The following AKR1C8 variants were observed in gnomAD, a reference collection of about 807,000 sequenced individuals.
AKR1C8 encodes aldo-keto reductase family 1 member C8, also known as aldo-keto reductase family 1 member C-like protein 1.
the AKR1C8 span, among the ~76,000 whole-genome samples, chr10:5,151,092 G>A: frequency 1.3e-5 from 2 of 152,116 alleles, no homozygotes; most frequent in Non-Finnish European, 2.9e-5. Flanking sequence ...CTTGCACTGA[G>A]TCAGTTCATG....
At chr10:5,145,949 A>C in the AKR1C8 span, among the ~76,000 whole-genome samples, 18 of 152,122 alleles carry the variant, frequency 1.2e-4, no homozygotes, top group Admixed American at 2.0e-4. Flanking sequence ...GAACCAACCC[A>C]AATGTCCAAC....
At chr10:5,179,391 TCTCTCTGG>T in the AKR1C8 span, among the ~76,000 whole-genome samples, 1 of 152,174 alleles carries the variant, frequency 6.6e-6, no homozygotes, top group East Asian at 1.9e-4. Context: ...ACCCGACCTT[TCTCTCTGG>T]CTGCCCTTAA....
the AKR1C8 span, among the ~76,000 whole-genome samples, chr10:5,161,207 G>A: frequency 6.6e-6 from 1 of 152,182 alleles, no homozygotes; most frequent in African/African-American, 2.4e-5. Context: ...CTAAGAATGA[G>A]GTCCCTACAG....
chr10:5,158,233 G>GA, the AKR1C8 span, among the ~76,000 whole-genome samples: 3 of 151,774 alleles, frequency 2.0e-5, no homozygotes, highest in East Asian at 1.9e-4. Context: ...GTCTCAGAAG[G>GA]AAAAAAAATA....
At chr10:5,182,838 A>C in the AKR1C8 span, among the ~76,000 whole-genome samples, 2 of 151,698 alleles carry the variant, frequency 1.3e-5, no homozygotes, top group African/African-American at 4.8e-5. Context: ...TGAACCCAGG[A>C]GGCGGAGGTT....
the AKR1C8 span, among the ~76,000 whole-genome samples, chr10:5,161,384 G>A: frequency 6.6e-6 from 1 of 152,166 alleles, no homozygotes; most frequent in African/African-American, 2.4e-5. Flanking sequence ...GATCAGCGGA[G>A]CCCAAAGGAG....
chr10:5,122,739 G>A, the AKR1C8 span, among the ~76,000 whole-genome samples: 1 of 152,062 alleles, frequency 6.6e-6, no homozygotes, highest in African/African-American at 2.4e-5. Flanking sequence ...AGTATTCAGG[G>A]GTCATGAGGT....
chr10:5,167,478 T>A, the AKR1C8 span, among the ~76,000 whole-genome samples: 5 of 152,326 alleles, frequency 3.3e-5, no homozygotes, highest in African/African-American at 1.2e-4. Context: ...GTTCATGTCC[T>A]TTGTAGGGAC....
At chr10:5,154,177 G>A in the AKR1C8 span, 2 of 470,368 alleles carry the variant, frequency 4.3e-6, no homozygotes, top group African/African-American at 4.0e-5. Flanking sequence ...AGGGTGATTA[G>A]CAGCACTGAA....
At chr10:5,131,508 A>G in the AKR1C8 span, among the ~76,000 whole-genome samples, 1 of 152,094 alleles carries the variant, frequency 6.6e-6, no homozygotes, top group Non-Finnish European at 1.5e-5. Flanking sequence ...ATCCCATCCA[A>G]AAGTGGGCAA....
the AKR1C8 span, among the ~76,000 whole-genome samples, chr10:5,170,928 C>T: frequency 6.6e-6 from 1 of 152,058 alleles, no homozygotes; most frequent in Non-Finnish European, 1.5e-5. Context: ...AAGTATGCTC[C>T]AAATTTTGTT....
chr10:5,151,351 G>T, the AKR1C8 span, among the ~76,000 whole-genome samples: 2,992 of 152,198 alleles, frequency 0.02, 46 homozygotes, highest in Non-Finnish European at 0.031. Context: ...AGGCAGGAAA[G>T]GGTTTGTTTT....
At chr10:5,149,330 A>T in the AKR1C8 span, among the ~76,000 whole-genome samples, 1 of 152,102 alleles carries the variant, frequency 6.6e-6, no homozygotes, top group Non-Finnish European at 1.5e-5. Context: ...TATTTGCAAA[A>T]TATGTCATAG....
the AKR1C8 span, chr10:5,154,399 G>A: frequency 4.4e-6 from 1 of 228,316 alleles, no homozygotes; most frequent in Admixed American, 4.9e-5. Context: ...TAATCATAAA[G>A]ATACTTGTTA....
chr10:5,172,235 T>TTA, the AKR1C8 span, among the ~76,000 whole-genome samples: 1 of 152,112 alleles, frequency 6.6e-6, no homozygotes, highest in South Asian at 2.1e-4. Flanking sequence ...AAATTCTCTT[T>TTA]TATAAAATTT....
At chr10:5,182,984 A>G in the AKR1C8 span, among the ~76,000 whole-genome samples, 1 of 152,168 alleles carries the variant, frequency 6.6e-6, no homozygotes, top group Non-Finnish European at 1.5e-5. Context: ...TTTATTTTAC[A>G]AACAACTCAG....
At chr10:5,176,587 A>G in the AKR1C8 span, among the ~76,000 whole-genome samples, 1 of 151,116 alleles carries the variant, frequency 6.6e-6, no homozygotes, top group Admixed American at 6.6e-5. Context: ...CATTTTCACG[A>G]TATTGATTCT....
At chr10:5,163,910 G>A in the AKR1C8 span, among the ~76,000 whole-genome samples, 5 of 152,104 alleles carry the variant, frequency 3.3e-5, no homozygotes, top group African/African-American at 1.2e-4. Flanking sequence ...ACTAATAAGA[G>A]AACAAGACCC....
the AKR1C8 span, among the ~76,000 whole-genome samples, chr10:5,176,096 T>A: frequency 6.6e-6 from 1 of 151,352 alleles, no homozygotes; most frequent in South Asian, 2.1e-4. Flanking sequence ...TCTTCTAGGG[T>A]TTTTATGGTT....
Sources: allele counts gnomAD v4.1 joint callset (sites outside exome capture counted in the v4.1 genomes callset), GRCh38; gene constraint gnomAD v4.1.1; transcripts MANE v1.5; gene names NCBI Gene and HGNC (gene_info 2026-07-23, HGNC 2026-07-21).